BBS9: variants seen among roughly 807,000 people sequenced by gnomAD.
BBS9 encodes Bardet-Biedl syndrome 9.
A neutral mutation model predicts 117.7 loss-of-function variants in BBS9; 89 were observed. The ratio of observed to expected loss-of-function variants is 0.76; its 90% CI spans 0.64 to 0.90. BBS9 has a LOEUF of 0.90. BBS9 is among the 40% of genes least tolerant of loss of function. BBS9 has a pLI of 0.00. For synonymous variants in BBS9, 379 were observed against 370.9 expected (o/e 1.02, Z -0.25); for missense variants, 982 against 1,042.2 (o/e 0.94, Z 0.80).
intron 5 of BBS9, among the ~76,000 whole-genome samples, chr7:33,219,331 A>G (rs564538075): frequency 4.2e-4 from 64 of 152,278 alleles, no homozygotes; most frequent in African/African-American, 1.4e-3. Context: ...GGCCGGTCCC[A>G]TCGACCACCC....
intron 21 of BBS9, among the ~76,000 whole-genome samples, chr7:33,542,785 A>G (rs1367570678): frequency 1.5e-5 from 2 of 131,390 alleles, no homozygotes; most frequent in Admixed American, 8.1e-5. Context: ...ATATATATAT[A>G]TATGTACACA....
chr7:33,357,821 G>A (rs1181966921), intron 15 of BBS9, 34 bp from the exon 16 acceptor site: 2 of 1,600,626 alleles, frequency 1.2e-6, no homozygotes, highest in Non-Finnish European at 1.7e-6. Context: ...TATTTGTCAA[G>A]TCTATGAATC....
chr7:33,318,465 C>T (rs1214408336), intron 9 of BBS9, among the ~76,000 whole-genome samples: 3 of 152,042 alleles, frequency 2.0e-5, no homozygotes. Context: ...AACCATTGTC[C>T]CTACCCTTCA....
intron 13 of BBS9, among the ~76,000 whole-genome samples, chr7:33,349,848 G>C (rs1369033734): frequency 6.6e-6 from 1 of 152,152 alleles, no homozygotes; most frequent in Non-Finnish European, 1.5e-5. Context: ...GCCTGAGTTT[G>C]AATCCAGCTC....
rs1031126377 is a variant in BBS9, at chr7:33,212,939, T to C, written c.442+35348T>C. The stretch of plus-strand genomic sequence containing the variant: ...CAAGCAGTCTTGTGGCCACCAACAC[T>C]GGGGACTGTGTTGGGTCAGCCCTGA... On this transcript the variant is annotated intron_variant, in intron 5 of 22. Coordinates refer to ENST00000242067, the MANE Select transcript of BBS9 (RefSeq NM_198428.3). Among the ~76,000 whole-genome samples, 3 of 152,312 alleles carry C rather than the reference T, an allele frequency of 2.0e-5. No homozygotes were observed. In the South Asian group the frequency reaches 6.2e-4, roughly 32 times the overall value.
chr7:33,401,125 C>T (rs1426931486), intron 19 of BBS9, among the ~76,000 whole-genome samples: 1 of 152,128 alleles, frequency 6.6e-6, no homozygotes, highest in African/African-American at 2.4e-5. Context: ...ATTGATTTCC[C>T]CACTTTACTC....
intron 19 of BBS9, among the ~76,000 whole-genome samples, chr7:33,469,287 C>T (rs905645139): frequency 6.6e-6 from 1 of 152,052 alleles, no homozygotes; most frequent in Non-Finnish European, 1.5e-5. Flanking sequence ...AAATTGTAGC[C>T]CATGATGTCT....
chr7:33,455,378 A>G (rs1008491462), intron 19 of BBS9, among the ~76,000 whole-genome samples: 1 of 152,168 alleles, frequency 6.6e-6, no homozygotes, highest in African/African-American at 2.4e-5. Context: ...TGTCCTTCAT[A>G]ATTTTTTAGG....
chr7:33,207,618 G>A (rs1787182357), intron 5 of BBS9, among the ~76,000 whole-genome samples: 1 of 151,282 alleles, frequency 6.6e-6, no homozygotes, highest in African/African-American at 2.4e-5. Context: ...TCCTGCTGCA[G>A]CCATCTATAT....
At chr7:33,336,970 CT>C (rs1815508479) in intron 10 of BBS9, among the ~76,000 whole-genome samples, 1 of 152,116 alleles carries the variant, frequency 6.6e-6, no homozygotes, top group Non-Finnish European at 1.5e-5. Context: ...CATTTATTAA[CT>C]TCTTATACTC....
At position 33,323,010 on chromosome 7, in the gene BBS9, A is replaced by G. The variant is rs1199460824; in HGVS notation, c.1017-13431A>G. Among the ~76,000 whole-genome samples, 8 of 152,148 alleles carry G rather than the reference A, an allele frequency of 5.3e-5. No homozygotes were observed. In the East Asian group the frequency reaches 9.6e-4, roughly 18 times the overall value. ...ATTGATCCACTGTTCATTAAGGAGC[A>G]TATTGTTTAATTTCCATGTGTTTAC... On this transcript the variant is annotated intron_variant, in intron 9 of 22. Transcript: ENST00000242067.
At chr7:33,240,133 T>G (rs1329902260) in intron 5 of BBS9, among the ~76,000 whole-genome samples, 1 of 152,210 alleles carries the variant, frequency 6.6e-6, no homozygotes, top group East Asian at 1.9e-4. Flanking sequence ...CATTAATTTG[T>G]TTTTAGACTA....
chr7:33,456,351 A>G (rs1838656208), intron 19 of BBS9, among the ~76,000 whole-genome samples: 2 of 152,222 alleles, frequency 1.3e-5, no homozygotes, highest in Non-Finnish European at 2.9e-5. Context: ...AACATCATTT[A>G]CAATGTGGCG....
At chr7:33,308,789 C>T (rs971101586) in intron 9 of BBS9, among the ~76,000 whole-genome samples, 1 of 152,148 alleles carries the variant, frequency 6.6e-6, no homozygotes, top group Non-Finnish European at 1.5e-5. Context: ...TATTGTTCCT[C>T]AATCCTGACG....
At chr7:33,437,514 A>G (rs1835480717) in intron 19 of BBS9, among the ~76,000 whole-genome samples, 1 of 152,198 alleles carries the variant, frequency 6.6e-6, no homozygotes. Flanking sequence ...AGATTGATTT[A>G]TATTGAAGAT....
At chr7:33,275,130 A>G (rs1313939394) in intron 9 of BBS9, among the ~76,000 whole-genome samples, 2 of 152,044 alleles carry the variant, frequency 1.3e-5, no homozygotes, top group Non-Finnish European at 2.9e-5. Context: ...AAGGGTATTC[A>G]TATTTGCATC....
At chr7:33,201,327 G>A (rs1020429561) in intron 5 of BBS9, among the ~76,000 whole-genome samples, 1 of 152,140 alleles carries the variant, frequency 6.6e-6, no homozygotes, top group African/African-American at 2.4e-5. Context: ...TATGGAGGAA[G>A]GATCCTGGGT....
intron 10 of BBS9, among the ~76,000 whole-genome samples, chr7:33,338,848 G>A (rs1815924019): frequency 6.6e-6 from 1 of 152,108 alleles, no homozygotes. Flanking sequence ...TGATCATGTT[G>A]TCTACCTGGC....
At chr7:33,410,285 T>C (rs1451371905) in intron 19 of BBS9, among the ~76,000 whole-genome samples, 2 of 152,224 alleles carry the variant, frequency 1.3e-5, no homozygotes, top group African/African-American at 2.4e-5. Flanking sequence ...CTCAAATGTT[T>C]TCTTCTCTGC....
Sources: gnomAD v4.1 joint callset for allele counts (sites outside exome capture counted in the v4.1 genomes callset) on GRCh38, gnomAD v4.1.1 for gene constraint, MANE v1.5 for transcripts, NCBI Gene and HGNC (gene_info 2026-07-23, HGNC 2026-07-21) for gene names.